The following ASB2 variants were observed in gnomAD, a reference collection of about 807,000 sequenced individuals.
The protein encoded by ASB2 is ankyrin repeat and SOCS box containing 2.
A neutral mutation model predicts 62.4 loss-of-function variants in ASB2; 58 were observed. That is an observed-to-expected ratio of 0.93 (90% CI 0.75 to 1.16). ASB2 has a LOEUF of 1.16. Among genes scored for constraint, ASB2 ranks in the 50% most tolerant of loss-of-function variants. The pLI is 0.00. For missense variants in ASB2, 928 were observed against 887.9 expected (o/e 1.05, Z -0.57); for synonymous variants, 386 against 385.3 (o/e 1.00, Z -0.02).
intron 4 of ASB2, among the ~76,000 whole-genome samples, chr14:93,953,729 A>C (rs1384073837): frequency 1.3e-5 from 2 of 152,162 alleles, no homozygotes; most frequent in Non-Finnish European, 2.9e-5. Flanking sequence ...GCCTTCCCTA[A>C]TGGAGCCCCT....
intron 5 of ASB2, among the ~76,000 whole-genome samples, chr14:93,952,885 G>A (rs985318114): frequency 1.3e-5 from 2 of 152,250 alleles, no homozygotes; most frequent in Non-Finnish European, 2.9e-5. Flanking sequence ...AGTAAGCCAG[G>A]AGGCCTTGTT....
intron 7 of ASB2, among the ~76,000 whole-genome samples, chr14:93,946,363 G>C (rs1888721604): frequency 6.6e-6 from 1 of 152,262 alleles, no homozygotes; most frequent in African/African-American, 2.4e-5. Flanking sequence ...GGCAGCTGGA[G>C]CTTCACCTCT....
chr14:93,958,256 A>G (rs555537461), intron 2 of ASB2, among the ~76,000 whole-genome samples: 2 of 152,288 alleles, frequency 1.3e-5, no homozygotes, highest in East Asian at 3.9e-4. Flanking sequence ...ATGTGTCCTC[A>G]TTTATCCACA....
intron 1 of ASB2, among the ~76,000 whole-genome samples, chr14:93,973,407 T>C (rs1343512809): frequency 6.6e-6 from 1 of 151,980 alleles, no homozygotes; most frequent in Admixed American, 6.6e-5. Context: ...AGAATGATGG[T>C]GAGAGGAAGA....
chr14:93,963,506 A>G (rs1372259876), intron 2 of ASB2, among the ~76,000 whole-genome samples: 1 of 152,156 alleles, frequency 6.6e-6, no homozygotes, highest in Non-Finnish European at 1.5e-5. Context: ...CACCTCCTAC[A>G]AAGGAGGTGT....
At position 93,964,583 on chromosome 14, in the gene ASB2, G is replaced by T; in HGVS notation, c.-44C>A. 6.6e-7 allele frequency: 1 copy of T among 1,515,764 alleles called. No homozygotes were observed. The highest frequency in any genetic ancestry group is 1.2e-5 in the South Asian group (1 of 83,688). 93.9% of individuals were successfully genotyped at this position (1,515,764 alleles called of 1,614,324 possible). A position where few individuals can be genotyped will look rare whatever the true frequency, so the allele number is the denominator to read the frequency against. On this transcript the variant is annotated 5_prime_UTR_variant, in exon 2 of 10. Transcript: ENST00000555019. Reference sequence around the variant, plus strand: ...CTGGCCTCCAGAACAGACACCCAGTGGGGAGGAGGGAACAGCAAATCAGAA... The same window carrying T: ...CTGGCCTCCAGAACAGACACCCAGTTGGGAGGAGGGAACAGCAAATCAGAA...
intron 1 of ASB2, among the ~76,000 whole-genome samples, chr14:93,971,675 T>A (rs1889759290): frequency 1.3e-5 from 2 of 152,294 alleles, no homozygotes; most frequent in South Asian, 4.1e-4. Flanking sequence ...GCAGTGAATT[T>A]CTCTCTCATA....
At chr14:93,944,702 G>T (rs1888656716) in intron 7 of ASB2, among the ~76,000 whole-genome samples, 2 of 152,208 alleles carry the variant, frequency 1.3e-5, no homozygotes, top group South Asian at 4.1e-4. Flanking sequence ...TCTGAGCCTT[G>T]GGGGACAGAG....
At chr14:93,953,697 C>G (rs1023586662) in intron 4 of ASB2, among the ~76,000 whole-genome samples, 190 bp from the exon 5 acceptor site, 3 of 152,242 alleles carry the variant, frequency 2.0e-5, no homozygotes, top group Non-Finnish European at 4.4e-5. Flanking sequence ...CGTCCAAGCT[C>G]AGATGCCACG....
chr14:93,955,170 G>T, intron 3 of ASB2: 1 of 456,690 alleles, frequency 2.2e-6, no homozygotes, highest in Admixed American at 2.3e-5. Context: ...CTTTTGGGGA[G>T]GCTTCTGCAT....
At chr14:93,937,076 G>A (rs552003157) in intron 9 of ASB2, among the ~76,000 whole-genome samples, 2 of 152,282 alleles carry the variant, frequency 1.3e-5, no homozygotes, top group South Asian at 2.1e-4. Context: ...GCTGGACAAC[G>A]AGCCTGCCCA....
chr14:93,951,361 T>C (rs1888964424), intron 5 of ASB2, 117 bp from the exon 6 acceptor site: 1 of 1,240,160 alleles, frequency 8.1e-7, no homozygotes, highest in Non-Finnish European at 1.1e-6. Flanking sequence ...CCACTGCATG[T>C]GTATTAAGTT....
At position 93,951,317 on chromosome 14, in the gene ASB2, G is replaced by A. The variant is rs1046582360; in HGVS notation, c.635-73C>T. ...TGGCCAGCAGAGACTGCATTCATTC[G>A]CCTGTCCATTCACTCATCCACTCAT... On this transcript the variant is annotated intron_variant, in intron 5 of 9. Transcript: ENST00000555019. 66 of 1,501,684 alleles carry A rather than the reference G, an allele frequency of 4.4e-5. No individual in the cohort carries two copies. In the Admixed American group the frequency reaches 7.7e-4, roughly 18 times the overall value. 93.0% of individuals were successfully genotyped at this position (1,501,684 alleles called of 1,614,324 possible).
At chr14:93,964,923 C>G (rs1213994658) in intron 1 of ASB2, among the ~76,000 whole-genome samples, 2 of 152,046 alleles carry the variant, frequency 1.3e-5, no homozygotes, top group Non-Finnish European at 2.9e-5. Context: ...TTCAACTATC[C>G]AACTACCCAC....
chr14:93,942,323 C>T (rs1888558146), intron 7 of ASB2: 1 of 455,224 alleles, frequency 2.2e-6, no homozygotes, highest in African/African-American at 2.0e-5. Flanking sequence ...TTCCTTGTCC[C>T]CTCCCCAATG....
At chr14:93,962,503 T>G (rs1889449614) in intron 2 of ASB2, among the ~76,000 whole-genome samples, 1 of 152,186 alleles carries the variant, frequency 6.6e-6, no homozygotes, top group African/African-American at 2.4e-5. Flanking sequence ...TCTGCTATAT[T>G]GCTTGTGGGG....
At position 93,939,575 on chromosome 14, in the gene ASB2, C is replaced by A; in HGVS notation, c.1150G>T (p.Val384Leu). Residue 384 changes from valine to leucine, a missense_variant, in exon 8 of 10, where the codon GTG (valine) becomes TTG (leucine). By Grantham distance (32) the Val-to-Leu change is conservative. Transcript: ENST00000555019. ...HLAAERNHDE[V>L]LEALLSARFD... ...CGCGCGCTCAGCAGCGCCTCCAGCA[C>A]CTCGTCGTGGTTGCGCTCGGCCGCC... The A allele has an allele frequency of 6.3e-7, 1 of 1,585,942 alleles. No individual in the cohort carries two copies. Among genetic ancestry groups the A allele is most frequent in the Non-Finnish European group, 8.5e-7 (1 of 1,170,056 alleles).
intron 5 of ASB2, among the ~76,000 whole-genome samples, chr14:93,951,576 G>A (rs1888970955): frequency 6.6e-6 from 1 of 152,244 alleles, no homozygotes; most frequent in African/African-American, 2.4e-5. Flanking sequence ...AGATAAGGAA[G>A]GTGAGGCACA....
At chr14:93,951,496 T>C (rs1888969246) in intron 5 of ASB2, among the ~76,000 whole-genome samples, 1 of 152,224 alleles carries the variant, frequency 6.6e-6, no homozygotes, top group Admixed American at 6.5e-5. Context: ...TCTAAGCACA[T>C]TTTACAGGAT....
Sources: gnomAD v4.1 joint callset for allele counts (sites outside exome capture counted in the v4.1 genomes callset) on GRCh38, gnomAD v4.1.1 for gene constraint, MANE v1.5 for transcripts, NCBI Gene and HGNC (gene_info 2026-07-23, HGNC 2026-07-21) for gene names.